Variants in STK33 observed in about 807,000 individuals in gnomAD.
The protein encoded by STK33 is serine/threonine-protein kinase 33.
In STK33, 52 loss-of-function variants were observed where a neutral mutation model predicts 58.0. That is an observed-to-expected ratio of 0.90 (90% CI 0.72 to 1.13). The LOEUF is 1.13. Ranked by LOEUF, STK33 falls within the 50% of genes most tolerant of loss-of-function variation. STK33 has a pLI of 0.00. For synonymous variants in STK33, 215 were observed against 200.1 expected, an observed-to-expected ratio of 1.07 and a Z score of -0.63; for missense variants, 630 against 604.2, an observed-to-expected ratio of 1.04 and a Z score of -0.45.
At chr11:8,396,495 G>A (rs1849366009) in intron 15 of STK33, among the ~76,000 whole-genome samples, 1 of 152,234 alleles carries the variant, frequency 6.6e-6, no homozygotes. Flanking sequence ...CTGAGACTCA[G>A]TGGAGCCAAG....
Position 8,391,988 on chromosome 11 carries a change from A to G in STK33, c.*522T>C, listed in dbSNP as rs942596355. 9 of 154,982 alleles carry G rather than the reference A, an allele frequency of 5.8e-5. No homozygotes were observed. Among genetic ancestry groups the G allele is most frequent in the African/African-American group, 1.9e-4 (8 of 41,478 alleles). 9.6% of individuals were successfully genotyped at this position (154,982 alleles called of 1,614,324 possible). On this transcript the variant is annotated 3_prime_UTR_variant, in exon 16 of 16. Coordinates refer to ENST00000687296, the MANE Select transcript of STK33 (RefSeq NM_001352389.2). ...CTACATTTAAAATAAGCTGTCTTAA[A>G]CAATCTATAGCAACCTAAAATCTCA...
chr11:8,416,504 T>G (rs557331136), intron 14 of STK33, among the ~76,000 whole-genome samples: 1 of 152,158 alleles, frequency 6.6e-6, no homozygotes, highest in South Asian at 2.1e-4. Context: ...CATGAAACAA[T>G]CATAACTTTT....
At chr11:8,440,576 C>A in intron 12 of STK33, 102 bp downstream of exon 12, 1 of 1,043,660 alleles carries the variant, frequency 9.6e-7, no homozygotes, top group Non-Finnish European at 1.3e-6. Context: ...GTTTTTAAAT[C>A]ACTTTTTAAA....
intron 14 of STK33, among the ~76,000 whole-genome samples, chr11:8,420,735 G>A (rs1231428742): frequency 6.6e-6 from 1 of 152,198 alleles, no homozygotes; most frequent in East Asian, 1.9e-4. Flanking sequence ...GGTGGTTCAA[G>A]CTTGTAATCC....
chr11:8,461,951 A>G (rs1366763704), intron 7 of STK33, 42 bp from the exon 8 acceptor site: 1 of 1,434,586 alleles, frequency 7.0e-7, no homozygotes, highest in East Asian at 2.5e-5. Flanking sequence ...AATGAAAATC[A>G]CTCCTACATT....
intron 1 of STK33, among the ~76,000 whole-genome samples, chr11:8,585,115 G>T (rs1421452890): frequency 6.6e-6 from 1 of 151,564 alleles, no homozygotes; most frequent in Non-Finnish European, 1.5e-5. Flanking sequence ...TAGGGACGAG[G>T]TTTCACCATG....
chr11:8,553,100 G>A (rs1956416366), intron 1 of STK33, among the ~76,000 whole-genome samples: 2 of 148,806 alleles, frequency 1.3e-5, no homozygotes, highest in Admixed American at 6.7e-5. Context: ...AGGCTGCAGA[G>A]TAAGCTATGC....
chr11:8,470,361 C>T (rs1948660494), intron 6 of STK33, among the ~76,000 whole-genome samples: 2 of 152,214 alleles, frequency 1.3e-5, no homozygotes, highest in South Asian at 2.1e-4. Flanking sequence ...CTCCCCTTCA[C>T]AAAACTGAAA....
At chr11:8,401,617 A>T (rs1937978321) in intron 15 of STK33, among the ~76,000 whole-genome samples, 1 of 152,214 alleles carries the variant, frequency 6.6e-6, no homozygotes, top group African/African-American at 2.4e-5. Context: ...AAAATTGACA[A>T]ATGGGATCTA....
the STK33 span, among the ~76,000 whole-genome samples, chr11:8,377,072 A>G: frequency 6.6e-6 from 1 of 152,174 alleles, no homozygotes; most frequent in African/African-American, 2.4e-5. Context: ...TGGTCCATTT[A>G]TCAAAACCAC....
the STK33 span, among the ~76,000 whole-genome samples, chr11:8,377,870 TA>T: frequency 6.6e-6 from 1 of 151,904 alleles, no homozygotes; most frequent in African/African-American, 2.4e-5. Flanking sequence ...CTGCAAAAAA[TA>T]AAATACCTAG....
At chr11:8,549,836 C>A (rs1245375658) in intron 1 of STK33, among the ~76,000 whole-genome samples, 3 of 152,028 alleles carry the variant, frequency 2.0e-5, no homozygotes, top group Non-Finnish European at 4.4e-5. Flanking sequence ...GTTTTCATCT[C>A]TGATTTTATT....
chr11:8,518,614 C>T (rs1953054442), intron 1 of STK33, among the ~76,000 whole-genome samples: 1 of 152,142 alleles, frequency 6.6e-6, no homozygotes, highest in South Asian at 2.1e-4. Context: ...TGCAGAGACA[C>T]ACATAGGCTC....
chr11:8,427,177 C>T (rs982212088), intron 14 of STK33, among the ~76,000 whole-genome samples: 1 of 152,120 alleles, frequency 6.6e-6, no homozygotes, highest in Admixed American at 6.5e-5. Context: ...ACCCTCTGAG[C>T]TCTTGTATAT....
At chr11:8,500,939 T>G (rs1432344879) in intron 1 of STK33, among the ~76,000 whole-genome samples, 1 of 152,104 alleles carries the variant, frequency 6.6e-6, no homozygotes, top group Non-Finnish European at 1.5e-5. Flanking sequence ...GACAATTCAG[T>G]GAGCAAAGAA....
chr11:8,445,738 T>C (rs1297736385), intron 11 of STK33, among the ~76,000 whole-genome samples: 3 of 152,184 alleles, frequency 2.0e-5, no homozygotes, highest in East Asian at 1.9e-4. Context: ...GCTGACTTGA[T>C]TGTGGTGGAT....
intron 1 of STK33, 43 bp downstream of exon 1, chr11:8,594,040 C>T (rs2033044519): frequency 6.6e-6 from 1 of 152,320 alleles, no homozygotes; most frequent in African/African-American, 2.4e-5. Flanking sequence ...CCCGCCCCAT[C>T]CCGCGGGCCC....
intron 11 of STK33, among the ~76,000 whole-genome samples, chr11:8,447,663 A>G (rs530033547): frequency 3.5e-4 from 54 of 152,312 alleles, no homozygotes; most frequent in African/African-American, 1.3e-3. Flanking sequence ...ATCTATGACA[A>G]ACCCACAGCC....
At chr11:8,540,469 C>T (rs1161481916) in intron 1 of STK33, among the ~76,000 whole-genome samples, 2 of 151,832 alleles carry the variant, frequency 1.3e-5, no homozygotes, top group South Asian at 2.1e-4. Context: ...CAGAGCAAGA[C>T]CCAGTCTTTA....
Sources: allele counts gnomAD v4.1 joint callset (sites outside exome capture counted in the v4.1 genomes callset), GRCh38; gene constraint gnomAD v4.1.1; transcripts MANE v1.5; gene names NCBI Gene and HGNC (gene_info 2026-07-23, HGNC 2026-07-21).